HS3ST4: variants seen among roughly 807,000 people sequenced by gnomAD.
HS3ST4 encodes heparan sulfate glucosamine 3-O-sulfotransferase 4.
A neutral mutation model predicts 29.2 loss-of-function variants in HS3ST4; 17 were observed. The ratio of observed to expected loss-of-function variants is 0.58; its 90% confidence interval spans 0.40 to 0.87. The LOEUF is 0.87. HS3ST4 is among the 40% of genes least tolerant of loss of function. HS3ST4 has a pLI of 0.00. For missense variants in HS3ST4, 627 were observed against 634.5 expected, an observed-to-expected ratio of 0.99 and a Z score of 0.13; for synonymous variants, 314 against 285.7, an observed-to-expected ratio of 1.10 and a Z score of -1.00.
chr16:25,846,551 T>A (rs1967468190), intron 1 of HS3ST4, among the ~76,000 whole-genome samples: 3 of 151,590 alleles, frequency 2.0e-5, no homozygotes, highest in Admixed American at 2.0e-4. Context: ...AAAAAAAAGT[T>A]GTATTTTTTT....
chr16:25,783,330 A>G (rs1214616019), intron 1 of HS3ST4, among the ~76,000 whole-genome samples: 1 of 152,132 alleles, frequency 6.6e-6, no homozygotes, highest in Non-Finnish European at 1.5e-5. Context: ...CTGATTGCCC[A>G]TATCTCTAGT....
At chr16:25,841,797 T>C (rs1453885563) in intron 1 of HS3ST4, among the ~76,000 whole-genome samples, 1 of 152,176 alleles carries the variant, frequency 6.6e-6, no homozygotes, top group East Asian at 1.9e-4. Context: ...GTGTGGAGAC[T>C]ATTGCTTCAA....
chr16:25,781,524 C>T (rs1348943084), intron 1 of HS3ST4, among the ~76,000 whole-genome samples: 1 of 152,186 alleles, frequency 6.6e-6, no homozygotes, highest in African/African-American at 2.4e-5. Context: ...ACACACATAA[C>T]TCACATCTAG....
chr16:26,095,379 C>T (rs1898909570), intron 1 of HS3ST4, among the ~76,000 whole-genome samples: 1 of 152,206 alleles, frequency 6.6e-6, no homozygotes, highest in African/African-American at 2.4e-5. Flanking sequence ...AAACACTCCT[C>T]AGCAAATGTA....
rs190791006 is a variant in HS3ST4 at position 26,121,217 on chromosome 16, C to T, written c.735-14395C>T. ...ACAGCCACTGAGTCAGCTGTGGCAG[C>T]TCGAGGGATGTTCATCCAAGTAGGT... On this transcript the variant is annotated intron_variant, in intron 1 of 1. Transcript: ENST00000331351. Among the ~76,000 whole-genome samples the T allele has an allele frequency of 3.3e-4, 50 of 152,252 alleles. 1 individual carries two copies. In the East Asian group the frequency reaches 8.9e-3, roughly 27 times the overall value.
chr16:25,758,490 A>C (rs933496881), intron 1 of HS3ST4, among the ~76,000 whole-genome samples: 5 of 152,102 alleles, frequency 3.3e-5, no homozygotes, highest in Non-Finnish European at 7.4e-5. Context: ...ATGTGGGTGT[A>C]ACTGTCTGGG....
chr16:25,982,347 A>G (rs1969015481), intron 1 of HS3ST4, among the ~76,000 whole-genome samples: 1 of 152,194 alleles, frequency 6.6e-6, no homozygotes, highest in African/African-American at 2.4e-5. Flanking sequence ...AAGTTGGACC[A>G]TGTTTGTTAA....
chr16:26,096,555 CT>C (rs1375949712), intron 1 of HS3ST4, among the ~76,000 whole-genome samples: 1 of 152,126 alleles, frequency 6.6e-6, no homozygotes, highest in Non-Finnish European at 1.5e-5. Context: ...CACCTTTATG[CT>C]AAAAACTCTC....
At chr16:26,085,401 T>C (rs1248137593) in intron 1 of HS3ST4, among the ~76,000 whole-genome samples, 10 of 152,154 alleles carry the variant, frequency 6.6e-5, no homozygotes, top group Admixed American at 6.5e-4. Flanking sequence ...AGATTATTAG[T>C]GAACAACATA....
At chr16:26,123,343 C>A (rs1319285565) in intron 1 of HS3ST4, among the ~76,000 whole-genome samples, 1 of 152,144 alleles carries the variant, frequency 6.6e-6, no homozygotes, top group Non-Finnish European at 1.5e-5. Flanking sequence ...ACTTCCTTAG[C>A]CACACACCTC....
At chr16:25,746,337 A>C (rs762960593) in intron 1 of HS3ST4, among the ~76,000 whole-genome samples, 1 of 152,234 alleles carries the variant, frequency 6.6e-6, no homozygotes, top group African/African-American at 2.4e-5. Flanking sequence ...TTTTCAGGTC[A>C]TAATCTGGAT....
At chr16:26,021,566 T>C (rs1217784359) in intron 1 of HS3ST4, among the ~76,000 whole-genome samples, 2 of 152,176 alleles carry the variant, frequency 1.3e-5, no homozygotes, top group Admixed American at 1.3e-4. Context: ...TGTGAGGCTG[T>C]GAGGATGCCC....
intron 1 of HS3ST4, among the ~76,000 whole-genome samples, chr16:26,078,510 A>G (rs749671855): frequency 1.2e-4 from 19 of 152,150 alleles, no homozygotes; most frequent in Non-Finnish European, 2.5e-4. Context: ...CTAAATGTGT[A>G]TTTATTAGCT....
At chr16:25,825,993 C>A (rs921192022) in intron 1 of HS3ST4, 2 of 152,202 alleles carry the variant, frequency 1.3e-5, no homozygotes, top group Non-Finnish European at 2.9e-5. Context: ...TATGTGTTTT[C>A]CTGGGATATT....
chr16:25,741,569 C>T (rs945085776), intron 1 of HS3ST4, among the ~76,000 whole-genome samples: 1 of 152,010 alleles, frequency 6.6e-6, no homozygotes, highest in African/African-American at 2.4e-5. Context: ...TACTTTGGAG[C>T]TTATAAAACC....
intron 1 of HS3ST4, among the ~76,000 whole-genome samples, chr16:25,695,353 A>G (rs1456058695): frequency 6.6e-6 from 1 of 152,226 alleles, no homozygotes; most frequent in Non-Finnish European, 1.5e-5. Context: ...GCTTCCTGCC[A>G]ATACATGTCT....
chr16:25,785,084 T>TA (rs1966856180), intron 1 of HS3ST4, among the ~76,000 whole-genome samples: 1 of 152,230 alleles, frequency 6.6e-6, no homozygotes, highest in African/African-American at 2.4e-5. Context: ...ATTGACAGCA[T>TA]ATCTGTTTAC....
chr16:25,918,208 C>T (rs1968312032), intron 1 of HS3ST4, among the ~76,000 whole-genome samples: 1 of 152,146 alleles, frequency 6.6e-6, no homozygotes, highest in African/African-American at 2.4e-5. Flanking sequence ...AAACAGTATG[C>T]TGCCTCATGG....
intron 1 of HS3ST4, among the ~76,000 whole-genome samples, chr16:26,085,919 T>C (rs1596675571): frequency 6.9e-6 from 1 of 145,590 alleles, no homozygotes; most frequent in Non-Finnish European, 1.5e-5. Flanking sequence ...ATAACAATAA[T>C]AATAAAATAA....
Sources: gnomAD v4.1 joint callset for allele counts (sites outside exome capture counted in the v4.1 genomes callset) on GRCh38, gnomAD v4.1.1 for gene constraint, MANE v1.5 for transcripts, NCBI Gene and HGNC (gene_info 2026-07-23, HGNC 2026-07-21) for gene names.